PDS5B: variants seen among roughly 807,000 people sequenced by gnomAD.
PDS5B encodes PDS5 cohesin associated factor B.
A neutral mutation model predicts 184.1 loss-of-function variants in PDS5B; 51 were observed. That is an observed-to-expected ratio of 0.28 (90% confidence interval 0.22 to 0.35). The LOEUF (loss-of-function observed/expected upper bound fraction) is 0.35, where lower values mean the gene tolerates loss of function less well. PDS5B is among the 10% of genes least tolerant of loss of function. The pLI, the probability that PDS5B is intolerant of heterozygous loss-of-function variation, is 1.00. For missense variants in PDS5B, 1,180 were observed against 1,723.3 expected, an observed-to-expected ratio of 0.68 and a Z score of 5.58; for synonymous variants, 566 against 569.2, an observed-to-expected ratio of 0.99 and a Z score of 0.08.
chr13:32,720,456 A>C (rs1182503903), intron 19 of PDS5B, among the ~76,000 whole-genome samples: 2 of 152,210 alleles, frequency 1.3e-5, no homozygotes, highest in African/African-American at 4.8e-5. Context: ...CATATAGTTC[A>C]GGGTTCAGTC....
At chr13:32,603,002 T>C (rs887288298) in intron 1 of PDS5B, among the ~76,000 whole-genome samples, 3 of 152,238 alleles carry the variant, frequency 2.0e-5, no homozygotes, top group Non-Finnish European at 2.9e-5. Context: ...TAGCCCTTTG[T>C]CAGATGGGTA....
At chr13:32,755,447 TACAAGA>T (rs1487579186) in intron 25 of PDS5B, among the ~76,000 whole-genome samples, 1 of 152,192 alleles carries the variant, frequency 6.6e-6, no homozygotes, top group Non-Finnish European at 1.5e-5. Context: ...CTCAGCAGCT[TACAAGA>T]GAGTGTTAAA....
chr13:32,711,154 G>A lies in PDS5B; in HGVS notation c.2123+1048G>A, dbSNP rs919871471. ...ATTACAGGCACACGCCCCCATGCCCGGCTAATTTTTTGTAGAGACAGGGTT... is the reference window on the plus strand; with the variant it reads ...ATTACAGGCACACGCCCCCATGCCCAGCTAATTTTTTGTAGAGACAGGGTT... On this transcript the variant is annotated intron_variant, in intron 19 of 34. Transcript: ENST00000315596. Among the ~76,000 whole-genome samples the A allele has an allele frequency of 7.3e-5, 11 of 151,620 alleles. 1 individual carries two copies. The highest frequency in any genetic ancestry group is 2.1e-4 in the South Asian group (1 of 4,786).
intron 6 of PDS5B, among the ~76,000 whole-genome samples, chr13:32,659,621 T>A (rs1950594641): frequency 6.6e-6 from 1 of 152,202 alleles, no homozygotes; most frequent in South Asian, 2.1e-4. Flanking sequence ...AAGATAGTGA[T>A]AATGTAGATA....
At chr13:32,745,747 A>T (rs1953719488) in intron 23 of PDS5B, among the ~76,000 whole-genome samples, 1 of 152,128 alleles carries the variant, frequency 6.6e-6, no homozygotes, top group Admixed American at 6.5e-5. Flanking sequence ...AATCCCATTC[A>T]TGAGGGTTTC....
chr13:32,731,959 C>T, intron 19 of PDS5B, 142 bp from the exon 20 acceptor site: 1 of 570,882 alleles, frequency 1.8e-6, no homozygotes, highest in Non-Finnish European at 3.0e-6. Context: ...AATCATAGGC[C>T]TTTGGAAGTG....
intron 1 of PDS5B, among the ~76,000 whole-genome samples, chr13:32,587,319 G>C (rs2057703276): frequency 6.6e-6 from 1 of 152,102 alleles, no homozygotes; most frequent in African/African-American, 2.4e-5. Flanking sequence ...GCAGCCAGTT[G>C]AGGAAGAGCC....
chr13:32,617,258 A>G (rs1294204837), intron 1 of PDS5B, among the ~76,000 whole-genome samples: 1 of 152,206 alleles, frequency 6.6e-6, no homozygotes, highest in Admixed American at 6.5e-5. Flanking sequence ...TGTCTTGGCC[A>G]CCAGTTAGCA....
chr13:32,711,467 C>T (rs1433548386), intron 19 of PDS5B, among the ~76,000 whole-genome samples: 1 of 152,152 alleles, frequency 6.6e-6, no homozygotes, highest in Non-Finnish European at 1.5e-5. Flanking sequence ...AAGCAATTCT[C>T]CTGCCTCAGC....
At chr13:32,638,816 G>A (rs2140611189) in intron 1 of PDS5B, among the ~76,000 whole-genome samples, 1 of 152,250 alleles carries the variant, frequency 6.6e-6, no homozygotes, top group South Asian at 2.1e-4. Context: ...AGGGAAGAGG[G>A]AGGGAAGGAA....
At chr13:32,710,871 G>A (rs1160377208) in intron 19 of PDS5B, among the ~76,000 whole-genome samples, 2 of 152,116 alleles carry the variant, frequency 1.3e-5, no homozygotes, top group Non-Finnish European at 2.9e-5. Context: ...AAAGAGACTG[G>A]GAGTAAAGCT....
intron 6 of PDS5B, 31 bp from the exon 7 acceptor site, chr13:32,667,733 A>G: frequency 1.5e-6 from 2 of 1,353,310 alleles, no homozygotes; most frequent in Non-Finnish European, 2.1e-6. Context: ...AGTTAGAGAT[A>G]TATAATATAG....
In PDS5B at chr13:32,699,712, A is replaced by T. The variant is rs375336135; in HGVS notation, c.1601-18A>T. ...ATTAAAAAAAATTGATTTTAATTGAACTTTAATTTATTTTAAGGAAATTTA... is the reference window on the plus strand; with the variant it reads ...ATTAAAAAAAATTGATTTTAATTGATCTTTAATTTATTTTAAGGAAATTTA... On this transcript the variant is annotated intron_variant, in intron 15 of 34. Transcript: ENST00000315596. The T allele has an allele frequency of 7.5e-4, 1,044 of 1,396,882 alleles. 2 individuals are homozygous for T. Among genetic ancestry groups the T allele is most frequent in the Non-Finnish European group, 9.6e-4 (1,012 of 1,057,382 alleles). 86.5% of individuals were successfully genotyped at this position (1,396,882 alleles called of 1,614,324 possible).
Position 32,759,658 on chromosome 13 carries a change from C to A in PDS5B, c.3340C>A (p.Pro1114Thr). ...NFSNTKNYLP[P>T]EMKSFFTPGK... Reference sequence around the variant, plus strand: ...CAGTAACACCAAAAATTATCTGCCTCCTGAAATGAAATCATTTTTCACTCC... The same window carrying A: ...CAGTAACACCAAAAATTATCTGCCTACTGAAATGAAATCATTTTTCACTCC... Residue 1114 changes from proline (P) to threonine (T), a missense_variant, in exon 29 of 35, where the codon CCT (proline) becomes ACT (threonine). By Grantham distance (38) the Pro-to-Thr change is conservative. Around this residue, in one of 11 missense-constraint regions of PDS5B, gnomAD observed 465 missense variants for 497.8 expected, o/e 0.93. Coordinates refer to ENST00000315596, the MANE Select transcript of PDS5B (RefSeq NM_015032.4). The A allele has an allele frequency of 1.3e-6, 2 of 1,564,308 alleles. No homozygotes were observed. Among genetic ancestry groups the A allele is most frequent in the Non-Finnish European group, 1.7e-6 (2 of 1,145,150 alleles).
rs977199609 is a variant in PDS5B at position 32,763,086 on chromosome 13, A to T, written c.3519-1403A>T. ...TTCCAAATTCCGTCTGTTTAGTGGGACTGTTTGCAGGGGAATGAAGTAGGT... is the reference window on the plus strand; with the variant it reads ...TTCCAAATTCCGTCTGTTTAGTGGGTCTGTTTGCAGGGGAATGAAGTAGGT... On this transcript the variant is annotated intron_variant, in intron 30 of 34. Transcript: ENST00000315596. Among the ~76,000 whole-genome samples, 5 of 151,974 alleles carry T rather than the reference A, an allele frequency of 3.3e-5. 1 individual carries two copies. Among genetic ancestry groups the T allele is most frequent in the Admixed American group, 2.6e-4 (4 of 15,256 alleles).
chr13:32,760,314 G>A (rs181065277), intron 29 of PDS5B, among the ~76,000 whole-genome samples: 3 of 152,170 alleles, frequency 2.0e-5, no homozygotes, highest in Admixed American at 6.5e-5. Flanking sequence ...TTTCATTGTT[G>A]ATTATTCATT....
In PDS5B at chr13:32,692,944, A is replaced by G. The variant is rs115297313; in HGVS notation, c.1470-1279A>G. 2.4e-3 allele frequency among the ~76,000 whole-genome samples: 369 copies of G among 152,170 alleles called. 2 individuals are homozygous for G. The highest frequency in any genetic ancestry group is 8.4e-3 in the African/African-American group (348 of 41,584). ...CCATAACAGGTTTATAATGGGCTTT[A>G]AAATAGCTTGACATTTCATCTTTAA... On this transcript the variant is annotated intron_variant, in intron 13 of 34. Transcript: ENST00000315596.
In PDS5B at chr13:32,732,139, G is replaced by T; in HGVS notation, c.2162G>T (p.Gly721Val). The T allele has an allele frequency of 6.2e-7, 1 of 1,609,422 alleles. No homozygotes were observed. The highest frequency in any genetic ancestry group is 1.1e-5 in the South Asian group (1 of 90,760). The change falls in exon 20 of 35, where the codon GGA becomes GTA. Residue 721 changes from glycine to valine, a missense_variant. Coordinates refer to ENST00000315596, the MANE Select transcript of PDS5B (RefSeq NM_015032.4). The part of the protein sequence containing the change: ...LPVLHHKSKK[G>V]PPRQAKYAIH... ...GTTTTACATCACAAATCTAAAAAAG[G>T]ACCCCCCCGTCAAGCCAAATATGCC... is the stretch of plus-strand genomic sequence containing the variant.
intron 20 of PDS5B, among the ~76,000 whole-genome samples, chr13:32,734,593 C>G (rs1487848385): frequency 3.9e-5 from 6 of 152,184 alleles, no homozygotes; most frequent in Admixed American, 2.0e-4. Flanking sequence ...CTTAGGGACA[C>G]AGACTCATTC....
Sources: allele counts gnomAD v4.1 joint callset (sites outside exome capture counted in the v4.1 genomes callset), GRCh38; gene constraint gnomAD v4.1.1; regional missense constraint gnomAD v4.1.1; transcripts MANE v1.5; gene names NCBI Gene and HGNC (gene_info 2026-07-23, HGNC 2026-07-21).